DLC1: variants seen among roughly 807,000 people sequenced by gnomAD.
The protein encoded by DLC1 is DLC1 Rho GTPase activating protein, also known as rho GTPase-activating protein 7.
A neutral mutation model predicts 140.3 loss-of-function variants in DLC1; 54 were observed. That is an observed-to-expected ratio of 0.38 (90% CI 0.31 to 0.48). The LOEUF is 0.48. Among genes scored for constraint, DLC1 ranks in the 20% least tolerant of loss-of-function variants. The pLI is 0.96. For missense variants in DLC1, 2,536 were observed against 1,907.0 expected (o/e 1.33, Z -6.14); for synonymous variants, 986 against 728.1 (o/e 1.35, Z -5.70).
chr8:13,392,469 C>T (rs576546316), intron 4 of DLC1, among the ~76,000 whole-genome samples: 2 of 152,258 alleles, frequency 1.3e-5, no homozygotes, highest in Admixed American at 1.3e-4. Flanking sequence ...CTTGCAATTG[C>T]AGCAAATCTG....
intron 2 of DLC1, among the ~76,000 whole-genome samples, chr8:13,452,735 C>T (rs1047690424): frequency 2.6e-5 from 4 of 152,026 alleles, no homozygotes; most frequent in African/African-American, 9.7e-5. Flanking sequence ...CCAAACCATG[C>T]TGATCTCACT....
intron 1 of DLC1, among the ~76,000 whole-genome samples, chr8:13,508,609 A>G (rs546559848): frequency 1.6e-4 from 24 of 151,886 alleles, no homozygotes; most frequent in South Asian, 8.3e-4. Flanking sequence ...TAGTAGAGAC[A>G]GGGTTTCACT....
intron 4 of DLC1, among the ~76,000 whole-genome samples, chr8:13,323,633 A>G (rs1446877274): frequency 6.6e-6 from 1 of 152,212 alleles, no homozygotes; most frequent in African/African-American, 2.4e-5. Context: ...TTCTAACATT[A>G]AGGAACTTAG....
intron 2 of DLC1, among the ~76,000 whole-genome samples, chr8:13,470,094 C>A (rs1322940445): frequency 2.0e-5 from 3 of 152,092 alleles, no homozygotes; most frequent in Non-Finnish European, 2.9e-5. Flanking sequence ...TTTGGTGAAC[C>A]ATTACTTCCT....
At chr8:13,460,411 G>C (rs977549319) in intron 2 of DLC1, among the ~76,000 whole-genome samples, 4 of 152,206 alleles carry the variant, frequency 2.6e-5, no homozygotes, top group Admixed American at 2.0e-4. Context: ...CGTGTTCTGG[G>C]CGTTCATTCA....
chr8:13,296,819 T>C (rs1831975732), intron 5 of DLC1, among the ~76,000 whole-genome samples: 1 of 151,626 alleles, frequency 6.6e-6, no homozygotes, highest in South Asian at 2.1e-4. Flanking sequence ...AAAGTGCCAC[T>C]TTCAGCTGCA....
intron 1 of DLC1, among the ~76,000 whole-genome samples, chr8:13,531,782 G>C (rs991722332): frequency 1.3e-5 from 2 of 152,020 alleles, no homozygotes; most frequent in African/African-American, 2.4e-5. Context: ...ATGAAAACAC[G>C]AGCCATCCTC....
intron 5 of DLC1, among the ~76,000 whole-genome samples, chr8:13,135,024 C>T (rs1041132454): frequency 1.3e-5 from 2 of 152,014 alleles, no homozygotes; most frequent in African/African-American, 4.8e-5. Context: ...TCTGATCTGG[C>T]CCAAGATGAT....
intron 5 of DLC1, among the ~76,000 whole-genome samples, chr8:13,116,635 C>T (rs888240741): frequency 6.6e-6 from 1 of 152,154 alleles, no homozygotes; most frequent in African/African-American, 2.4e-5. Flanking sequence ...AAGTGTAACA[C>T]ATCTTATTTT....
In DLC1 at chr8:13,278,604, C is replaced by G. The variant is rs531182647; in HGVS notation, c.1348+26665G>C. On this transcript the variant is annotated intron_variant, in intron 5 of 17. Transcript: ENST00000276297. ...AGGAAAATGCAGCCTGGATTCCTAA[C>G]TCCTCCTAGGCACTGATCTCACCTG... Among the ~76,000 whole-genome samples the G allele has an allele frequency of 2.6e-5, 4 of 152,326 alleles. No individual in the cohort carries two copies. In the South Asian group the frequency reaches 8.3e-4, roughly 32 times the overall value.
At chr8:13,258,417 T>C (rs1174593744) in intron 5 of DLC1, among the ~76,000 whole-genome samples, 1 of 152,234 alleles carries the variant, frequency 6.6e-6, no homozygotes, top group East Asian at 1.9e-4. Context: ...ATTTAGATTT[T>C]TGTTTCTAAA....
intron 5 of DLC1, among the ~76,000 whole-genome samples, chr8:13,240,504 C>T (rs1486911065): frequency 6.6e-6 from 1 of 152,304 alleles, no homozygotes; most frequent in East Asian, 1.9e-4. Context: ...CAGCTCACTG[C>T]AGCCTCCATC....
intron 5 of DLC1, among the ~76,000 whole-genome samples, chr8:13,166,416 T>C (rs1821076): frequency 0.65 from 99,295 of 151,702 alleles, 33,533 homozygotes; most frequent in East Asian, 0.85. Flanking sequence ...TCTCAGCTCA[T>C]TGCAACCTCT....
intron 2 of DLC1, among the ~76,000 whole-genome samples, chr8:13,442,895 A>C (rs1798590134): frequency 6.6e-6 from 1 of 152,218 alleles, no homozygotes; most frequent in African/African-American, 2.4e-5. Context: ...CTGTAAAGAC[A>C]CATGCACGCA....
At chr8:13,372,346 A>T (rs1835766938) in intron 4 of DLC1, among the ~76,000 whole-genome samples, 1 of 152,186 alleles carries the variant, frequency 6.6e-6, no homozygotes, top group African/African-American at 2.4e-5. Context: ...AATTGCAATC[A>T]ATAAAAAGGG....
At chr8:13,403,403 A>C (rs1183988223) in intron 2 of DLC1, among the ~76,000 whole-genome samples, 1 of 152,226 alleles carries the variant, frequency 6.6e-6, no homozygotes, top group South Asian at 2.1e-4. Context: ...TGAATATTCC[A>C]GATAATGGAA....
chr8:13,271,166 G>A (rs985538294), intron 5 of DLC1, among the ~76,000 whole-genome samples: 12 of 152,178 alleles, frequency 7.9e-5, no homozygotes, highest in South Asian at 2.1e-4. Flanking sequence ...AATATCTCAC[G>A]AAGCTTCCCT....
chr8:13,276,484 C>T, intron 5 of DLC1: 1 of 1,331,546 alleles, frequency 7.5e-7, no homozygotes, highest in Non-Finnish European at 9.6e-7. Flanking sequence ...CGGCCGCAGG[C>T]TGTCGCCTGC....
chr8:13,099,867 T>A lies in DLC1; in HGVS notation c.2470A>T (p.Asn824Tyr). The A allele has an allele frequency of 6.2e-7, 1 of 1,614,192 alleles. No individual in the cohort carries two copies. The highest frequency in any genetic ancestry group is 8.5e-7 in the Non-Finnish European group (1 of 1,180,044). ...KPGTFPKALTNGSFSPSGNNG... is the reference protein window; with the variant it reads ...KPGTFPKALTYGSFSPSGNNG... ...TTCCCCGAGGGGGAGAAACTGCCAT[T>A]GGTGAGAGCTTTGGGGAAAGTGCCA... is the stretch of plus-strand genomic sequence containing the variant. Residue 824 changes from asparagine (N) to tyrosine (Y), a missense_variant, in exon 9 of 18, where the codon AAT becomes TAT. By Grantham distance (143) the Asn-to-Tyr change is moderately radical (BLOSUM62 -2). Transcript: ENST00000276297.
Sources: allele counts gnomAD v4.1 joint callset (sites outside exome capture counted in the v4.1 genomes callset), GRCh38; gene constraint gnomAD v4.1.1; transcripts MANE v1.5; gene names NCBI Gene and HGNC (gene_info 2026-07-23, HGNC 2026-07-21).